Variants in ZNF133 observed in about 807,000 individuals in gnomAD.
The protein encoded by ZNF133 is zinc finger protein 133, also known as zinc finger protein 133 (clone pHZ-13).
Under a neutral mutation model 54.9 loss-of-function variants are expected in ZNF133, and 26 were observed. That is an observed-to-expected ratio of 0.47 (90% CI 0.35 to 0.66). The LOEUF is 0.66. ZNF133 is among the 30% of genes least tolerant of loss of function. ZNF133 has a pLI of 0.01. For synonymous variants in ZNF133, 298 were observed against 320.3 expected, an observed-to-expected ratio of 0.93 and a Z score of 0.74; for missense variants, 653 against 820.8, an observed-to-expected ratio of 0.80 and a Z score of 2.50.
chr20:18,290,727 A>G (rs751821575), intron 1 of ZNF133, among the ~76,000 whole-genome samples: 3 of 151,890 alleles, frequency 2.0e-5, no homozygotes, highest in African/African-American at 4.8e-5. Context: ...TTCTCCTCCT[A>G]TTTCTTCTGA....
intron 6 of ZNF133, chr20:18,310,326 G>T: frequency 6.5e-7 from 1 of 1,528,034 alleles, no homozygotes; most frequent in Non-Finnish European, 8.7e-7. Context: ...ACATCTTAAC[G>T]GTTTCATTAT....
In ZNF133 at chr20:18,298,368, A is replaced by G; in HGVS notation, c.-274A>G. On this transcript the variant is annotated 5_prime_UTR_variant, in exon 3 of 7. Transcript: ENST00000425686. ...CTGGAATCTGTGTCCCCACCTAGAC[A>G]ACGATTATACTGGCAGGATCTATCA... 1 of 1,236,292 alleles carries G rather than the reference A, an allele frequency of 8.1e-7. No individual in the cohort carries two copies. The highest frequency in any genetic ancestry group is 1.0e-6 in the Non-Finnish European group (1 of 982,216). 76.6% of individuals were successfully genotyped at this position (1,236,292 alleles called of 1,614,324 possible).
chr20:18,314,847 G>A (rs1463360545), intron 6 of ZNF133: 6 of 438,768 alleles, frequency 1.4e-5, no homozygotes, highest in East Asian at 6.7e-5. Context: ...AGGGATGCTT[G>A]TGTAGTCTTA....
intron 6 of ZNF133, among the ~76,000 whole-genome samples, chr20:18,310,969 G>C (rs112962542): frequency 2.6e-5 from 4 of 152,130 alleles, no homozygotes; most frequent in African/African-American, 9.7e-5. Flanking sequence ...ACTAATCCTT[G>C]TTATTTATAT....
intron 1 of ZNF133, among the ~76,000 whole-genome samples, chr20:18,294,437 G>C (rs957192015): frequency 3.3e-5 from 5 of 152,180 alleles, no homozygotes; most frequent in African/African-American, 1.2e-4. Flanking sequence ...AAGTACATTG[G>C]TGGAAAAACT....
At chr20:18,288,740 C>A (rs1600289300) in intron 1 of ZNF133, 136 bp downstream of exon 1, 2 of 397,950 alleles carry the variant, frequency 5.0e-6, no homozygotes, top group Admixed American at 4.4e-5. Context: ...GTGGTGGGAA[C>A]GCGCTGGCGT....
At chr20:18,310,562 G>T (rs2045664375) in intron 6 of ZNF133, among the ~76,000 whole-genome samples, 1 of 152,170 alleles carries the variant, frequency 6.6e-6, no homozygotes, top group Non-Finnish European at 1.5e-5. Flanking sequence ...ACTTATATGT[G>T]CAGTCTAAAA....
chr20:18,296,483 C>T (rs2042260292), intron 1 of ZNF133, among the ~76,000 whole-genome samples: 1 of 152,178 alleles, frequency 6.6e-6, no homozygotes, highest in South Asian at 2.1e-4. Flanking sequence ...CTCTCCTCAA[C>T]CACCATTTGA....
At chr20:18,306,731 T>A (rs747292398) in intron 6 of ZNF133, 2 of 1,347,694 alleles carry the variant, frequency 1.5e-6, no homozygotes, top group Non-Finnish European at 9.8e-7. Flanking sequence ...GAAACAACTG[T>A]GACCTACAGA....
At position 18,315,936 on chromosome 20, in the gene ZNF133, G is replaced by A. The variant is rs762887433; in HGVS notation, c.1085G>A (p.Gly362Asp). The change falls in exon 7 of 7, where the codon GGC (glycine) becomes GAC (aspartate). Residue 362 changes from glycine to aspartate, a missense_variant. Coordinates refer to ENST00000425686, the MANE Select transcript of ZNF133 (RefSeq NM_001352452.2). Reference protein sequence around the residue: ...KTIVCSDCGLGFSDRSNLISH... With the variant: ...KTIVCSDCGLDFSDRSNLISH... ...ATCGTGTGCAGTGACTGTGGCCTGG[G>A]CTTCAGCGACAGGTCAAACCTCATC... The A allele has an allele frequency of 6.2e-7, 1 of 1,614,118 alleles. No homozygotes were observed. Among genetic ancestry groups the A allele is most frequent in the Admixed American group, 1.7e-5 (1 of 60,016 alleles).
chr20:18,310,473 C>T (rs2045644288), intron 6 of ZNF133, among the ~76,000 whole-genome samples: 1 of 152,120 alleles, frequency 6.6e-6, no homozygotes. Flanking sequence ...GAATCATTTG[C>T]AACAACATGG....
chr20:18,290,980 A>G (rs1665407585), intron 1 of ZNF133, among the ~76,000 whole-genome samples: 1 of 152,196 alleles, frequency 6.6e-6, no homozygotes, highest in Non-Finnish European at 1.5e-5. Flanking sequence ...TACAAAAATT[A>G]GCCAGGCGTG....
chr20:18,298,636 T>G (rs532717262), intron 3 of ZNF133, among the ~76,000 whole-genome samples, 172 bp downstream of exon 3: 3 of 152,340 alleles, frequency 2.0e-5, no homozygotes, highest in African/African-American at 7.2e-5. Flanking sequence ...ATCTGTGTTC[T>G]GATTGTTAAT....
intron 6 of ZNF133, among the ~76,000 whole-genome samples, chr20:18,310,656 T>G (rs2045689286): frequency 6.6e-6 from 1 of 152,188 alleles, no homozygotes. Flanking sequence ...CAAAGGATTT[T>G]CACATAGAAA....
In ZNF133 at chr20:18,316,873, A is replaced by C; in HGVS notation, c.*57A>C. The C allele has an allele frequency of 6.6e-7, 1 of 1,523,612 alleles. No individual in the cohort carries two copies. Among genetic ancestry groups the C allele is most frequent in the Non-Finnish European group, 8.8e-7 (1 of 1,136,164 alleles). 94.4% of individuals were successfully genotyped at this position (1,523,612 alleles called of 1,614,324 possible). On this transcript the variant is annotated 3_prime_UTR_variant, in exon 7 of 7. Transcript: ENST00000425686. ...GAATGTTGACACTTTGATGAAATGG[A>C]GTAGAGAAATGCATTCTGTAAGTGG...
At position 18,298,269 on chromosome 20, in the gene ZNF133, G is replaced by A. The variant is rs1248157049; in HGVS notation, c.-353-20G>A. 2.9e-6 allele frequency: 4 copies of A among 1,386,236 alleles called. No individual in the cohort carries two copies. The highest frequency in any genetic ancestry group is 3.7e-6 in the Non-Finnish European group (4 of 1,072,812). The allele number at this position is 1,386,236 out of a possible 1,614,324, so 85.9% of individuals were successfully genotyped here. On this transcript the variant is annotated intron_variant, in intron 2 of 6. Transcript: ENST00000425686. Reference sequence around the variant, plus strand: ...ACACAATTCTACAGTATGAGATAGAGTCTGCATTTCTTTGTTCAGCTTCAA... The same window carrying A: ...ACACAATTCTACAGTATGAGATAGAATCTGCATTTCTTTGTTCAGCTTCAA...
chr20:18,298,116 C>A, intron 2 of ZNF133, 54 bp downstream of exon 2: 3 of 1,535,040 alleles, frequency 2.0e-6, no homozygotes, highest in Non-Finnish European at 8.7e-7. Context: ...ACATTCCCTT[C>A]TCTTACCCTG....
chr20:18,316,923 T>C lies in ZNF133; in HGVS notation c.*107T>C. 7.5e-7 allele frequency: 1 copy of C among 1,329,430 alleles called. No individual in the cohort carries two copies. Among genetic ancestry groups the C allele is most frequent in the Non-Finnish European group, 1.0e-6 (1 of 991,090 alleles). 82.4% of individuals were successfully genotyped at this position (1,329,430 alleles called of 1,614,324 possible). A position where few individuals can be genotyped will look rare whatever the true frequency, so the allele number is the denominator to read the frequency against. ...GTCAAAGGACATTTGACTGTTTACT[T>C]TCTCCACACTAAGTCTTCTCCATGT... is the stretch of plus-strand genomic sequence containing the variant. On this transcript the variant is annotated 3_prime_UTR_variant, in exon 7 of 7. Transcript: ENST00000425686.
chr20:18,296,409 C>A (rs1196974873), intron 1 of ZNF133, among the ~76,000 whole-genome samples: 1 of 152,068 alleles, frequency 6.6e-6, no homozygotes. Flanking sequence ...ATATTTTCAT[C>A]TTCCCAAACT....
Sources: gnomAD v4.1 joint callset for allele counts (sites outside exome capture counted in the v4.1 genomes callset) on GRCh38, gnomAD v4.1.1 for gene constraint, MANE v1.5 for transcripts, NCBI Gene and HGNC (gene_info 2026-07-23, HGNC 2026-07-21) for gene names.